NHLRC2: variants seen among roughly 807,000 people sequenced by gnomAD.
NHLRC2 encodes NHL repeat containing 2.
In NHLRC2, 33 loss-of-function variants were observed where a neutral mutation model predicts 68.1. That is an observed-to-expected ratio of 0.48 (90% CI 0.37 to 0.65). The LOEUF is 0.65. Among genes scored for constraint, NHLRC2 ranks in the 30% least tolerant of loss-of-function variants. The pLI, the probability that NHLRC2 is intolerant of heterozygous loss-of-function variation, is 0.00. For synonymous variants in NHLRC2, 311 were observed against 309.6 expected (o/e 1.00, Z -0.05); for missense variants, 761 against 853.8 (o/e 0.89, Z 1.35).
chr10:113,873,726 A>T (rs1382534058), intron 2 of NHLRC2, among the ~76,000 whole-genome samples: 1 of 152,214 alleles, frequency 6.6e-6, no homozygotes, highest in African/African-American at 2.4e-5. Context: ...AGAACGTGCA[A>T]ACATGAACTA....
chr10:113,883,642 G>A (rs532147467), intron 4 of NHLRC2, among the ~76,000 whole-genome samples: 89 of 151,984 alleles, frequency 5.9e-4, no homozygotes, highest in African/African-American at 2.1e-3. Flanking sequence ...GAATACATTA[G>A]TTTTTCAGTT....
intron 2 of NHLRC2, among the ~76,000 whole-genome samples, chr10:113,874,644 G>C (rs1845961935): frequency 6.6e-6 from 1 of 151,578 alleles, no homozygotes; most frequent in African/African-American, 2.4e-5. Flanking sequence ...ATTTTTTTCT[G>C]CCCCAATCTT....
chr10:113,901,153 T>C (rs1026341737), intron 6 of NHLRC2, among the ~76,000 whole-genome samples: 18 of 152,200 alleles, frequency 1.2e-4, no homozygotes, highest in African/African-American at 4.3e-4. Context: ...AATAGTAATG[T>C]CTGACCTGGC....
rs570549018 is a variant in NHLRC2, at chr10:113,905,307, T to A, written c.1924+271T>A. Among the ~76,000 whole-genome samples, 13 of 152,290 alleles carry A rather than the reference T, an allele frequency of 8.5e-5. No homozygotes were observed. The East Asian group carries it at 2.3e-3, about 27-fold the overall frequency. On this transcript the variant is annotated intron_variant, in intron 10 of 10. Coordinates refer to ENST00000369301, the MANE Select transcript of NHLRC2 (RefSeq NM_198514.4). Reference sequence around the variant, plus strand: ...GGAATGTGGGTTTTCCTATACCTCATCCCTTATTCTGATCCTGTTCTTCAT... The same window carrying A: ...GGAATGTGGGTTTTCCTATACCTCAACCCTTATTCTGATCCTGTTCTTCAT...
intron 5 of NHLRC2, among the ~76,000 whole-genome samples, chr10:113,888,520 A>G (rs1227955968): frequency 6.6e-6 from 1 of 152,204 alleles, no homozygotes; most frequent in Non-Finnish European, 1.5e-5. Flanking sequence ...TAGTATGTAA[A>G]TGCATGTGTT....
Position 113,876,591 on chromosome 10 carries a change from T to A in NHLRC2, c.402T>A (p.Ser134Arg), listed in dbSNP as rs1845982806. 6.2e-7 allele frequency: 1 copy of A among 1,613,662 alleles called. No homozygotes were observed. Among genetic ancestry groups the A allele is most frequent in the Non-Finnish European group, 8.5e-7 (1 of 1,179,686 alleles). Reference sequence around the variant, plus strand: ...AAAAAGTCCTGGATAACATTAAGAGTGCTGTTCTTCGATACAACATCACCC... The same window carrying A: ...AAAAAGTCCTGGATAACATTAAGAGAGCTGTTCTTCGATACAACATCACCC... Reference protein sequence around the residue: ...PNEKVLDNIKSAVLRYNITHP... With the variant: ...PNEKVLDNIKRAVLRYNITHP... The change falls in exon 3 of 11, where the codon AGT becomes AGA. Residue 134 changes from serine (S) to arginine (R), a missense_variant. Transcript: ENST00000369301.
At chr10:113,874,739 T>G (rs1333833368) in intron 2 of NHLRC2, among the ~76,000 whole-genome samples, 1 of 152,092 alleles carries the variant, frequency 6.6e-6, no homozygotes, top group Admixed American at 6.5e-5. Flanking sequence ...CTGTTTATTT[T>G]TTTTCAATCT....
intron 1 of NHLRC2, among the ~76,000 whole-genome samples, chr10:113,855,656 T>C (rs1300409581): frequency 1.3e-5 from 2 of 151,886 alleles, no homozygotes; most frequent in Non-Finnish European, 2.9e-5. Flanking sequence ...TGTTTTGTTT[T>C]GTTTTGTTTT....
At chr10:113,870,352 T>A (rs1845910575) in intron 2 of NHLRC2, among the ~76,000 whole-genome samples, 1 of 152,170 alleles carries the variant, frequency 6.6e-6, no homozygotes, top group Non-Finnish European at 1.5e-5. Context: ...CTGTCCTATA[T>A]TTTTTAAAAT....
rs745527982 is a variant in NHLRC2 at position 113,877,003 on chromosome 10, A to G, written c.787+27A>G. On this transcript the variant is annotated intron_variant, in intron 3 of 10. Coordinates refer to ENST00000369301, the MANE Select transcript of NHLRC2 (RefSeq NM_198514.4). Reference sequence around the variant, plus strand: ...TAAAACTTGCTTCTGATTACGATAGATAACGTGTTTTACAGTAAAAAAATA... The same window carrying G: ...TAAAACTTGCTTCTGATTACGATAGGTAACGTGTTTTACAGTAAAAAAATA... 5.9e-6 allele frequency: 8 copies of G among 1,345,256 alleles called. No homozygotes were observed. In the South Asian group the frequency reaches 6.9e-5, roughly 12 times the overall value. 83.3% of individuals were successfully genotyped at this position (1,345,256 alleles called of 1,614,324 possible).
intron 5 of NHLRC2, among the ~76,000 whole-genome samples, chr10:113,891,033 C>G (rs1413580757): frequency 6.6e-6 from 1 of 152,290 alleles, no homozygotes; most frequent in East Asian, 1.9e-4. Context: ...GGGAAACTAC[C>G]CCCATGATCC....
chr10:113,859,809 A>G (rs1172795512), intron 2 of NHLRC2, among the ~76,000 whole-genome samples: 4 of 152,226 alleles, frequency 2.6e-5, no homozygotes, highest in Non-Finnish European at 5.9e-5. Context: ...AACCTAAGGA[A>G]AGGAATAAGT....
intron 2 of NHLRC2, among the ~76,000 whole-genome samples, chr10:113,867,193 G>A (rs908322955): frequency 6.6e-6 from 1 of 152,188 alleles, no homozygotes; most frequent in African/African-American, 2.4e-5. Flanking sequence ...AAACCCTCCC[G>A]AAATCTAAGC....
chr10:113,890,588 G>A (rs1846122052), intron 5 of NHLRC2, among the ~76,000 whole-genome samples: 1 of 151,782 alleles, frequency 6.6e-6, no homozygotes, highest in Admixed American at 6.6e-5. Context: ...CTCTTTCTGG[G>A]ACTTCAGTTA....
intron 2 of NHLRC2, among the ~76,000 whole-genome samples, chr10:113,871,658 T>G (rs1845926825): frequency 6.6e-6 from 1 of 152,220 alleles, no homozygotes; most frequent in Admixed American, 6.5e-5. Flanking sequence ...TATGAAAGAT[T>G]AGTGTAAGTA....
chr10:113,860,556 A>AG (rs1165156467), intron 2 of NHLRC2, among the ~76,000 whole-genome samples: 2 of 152,184 alleles, frequency 1.3e-5, no homozygotes, highest in African/African-American at 2.4e-5. Flanking sequence ...GCCCATTCAA[A>AG]GGAAAAAAAT....
intron 4 of NHLRC2, among the ~76,000 whole-genome samples, chr10:113,882,975 G>T (rs981017541): frequency 5.9e-5 from 9 of 151,782 alleles, no homozygotes; most frequent in Admixed American, 2.6e-4. Flanking sequence ...AGCTGTAGCA[G>T]CCTTGTTAAA....
At chr10:113,856,144 C>T (rs931689592) in intron 1 of NHLRC2, among the ~76,000 whole-genome samples, 24 of 152,200 alleles carry the variant, frequency 1.6e-4, no homozygotes, top group Admixed American at 7.2e-4. Context: ...ACAGATATTC[C>T]CGGCAGGGAT....
intron 3 of NHLRC2, among the ~76,000 whole-genome samples, chr10:113,878,215 T>G (rs1846002763): frequency 6.6e-6 from 1 of 152,138 alleles, no homozygotes. Flanking sequence ...TAATTTTCCT[T>G]ATGGGGGGGT....
Sources: gnomAD v4.1 joint callset for allele counts (sites outside exome capture counted in the v4.1 genomes callset) on GRCh38, gnomAD v4.1.1 for gene constraint, MANE v1.5 for transcripts, NCBI Gene and HGNC (gene_info 2026-07-23, HGNC 2026-07-21) for gene names.